Variants in PHF12 observed in about 807,000 individuals in gnomAD.
PHF12 encodes PHD finger protein 12.
PHF12 carries 6 observed loss-of-function variants against 99.8 expected under a neutral mutation model. The ratio of observed to expected loss-of-function variants is 0.06; its 90% CI spans 0.03 to 0.12. PHF12 has a LOEUF of 0.12. PHF12 is among the 10% of genes least tolerant of loss of function. The pLI is 1.00. For synonymous variants in PHF12, 480 were observed against 514.9 expected, an observed-to-expected ratio of 0.93 and a Z score of 0.92; for missense variants, 954 against 1,300.1, an observed-to-expected ratio of 0.73 and a Z score of 4.09.
chr17:28,914,165 GAGGAAA>G, intron 7 of PHF12, 128 bp from the exon 8 acceptor site: 1 of 1,026,890 alleles, frequency 9.7e-7, no homozygotes, highest in Non-Finnish European at 1.4e-6. Flanking sequence ...GGGGTCTGCT[GAGGAAA>G]AGGAGGCTCA....
chr17:28,913,787 G>C, intron 8 of PHF12, 92 bp downstream of exon 8: 1 of 1,506,044 alleles, frequency 6.6e-7, no homozygotes, highest in South Asian at 1.3e-5. Flanking sequence ...GTGGGGACTG[G>C]AATGAGAATG....
At position 28,907,008 on chromosome 17, in the gene PHF12, G is replaced by A. The variant is rs1239215564; in HGVS notation, c.2542-14C>T. 1.3e-6 allele frequency: 2 copies of A among 1,597,138 alleles called. No homozygotes were observed. The highest frequency in any genetic ancestry group is 2.3e-5 in the South Asian group (2 of 87,956). ...ATGTTTGGTATTCTGAGGAGGAGGAGGGGAGATAAGATGTGTGGTCTGCTG... is the reference window on the plus strand; with the variant it reads ...ATGTTTGGTATTCTGAGGAGGAGGAAGGGAGATAAGATGTGTGGTCTGCTG... On this transcript the variant is annotated splice_polypyrimidine_tract_variant and intron_variant, in intron 13 of 14. Transcript: ENST00000332830.
chr17:28,928,713 CG>C (rs563156351), intron 2 of PHF12, among the ~76,000 whole-genome samples: 176 of 151,948 alleles, frequency 1.2e-3, no homozygotes, highest in African/African-American at 4.1e-3. Flanking sequence ...ACTCGGGAGG[CG>C]GAAGTTGCAG....
chr17:28,930,327 T>C lies in PHF12; in HGVS notation c.249-3264A>G, dbSNP rs112446796. On this transcript the variant is annotated intron_variant, in intron 2 of 14. Coordinates refer to ENST00000332830, the MANE Select transcript of PHF12 (RefSeq NM_001033561.2). ...ACCACACTGTATTCAAACCATTACA[T>C]GTCTGAATCCCCTTCTCCATGCCTC... 5.9e-5 allele frequency among the ~76,000 whole-genome samples: 9 copies of C among 152,358 alleles called. 1 individual carries two copies. The highest frequency in any genetic ancestry group is 2.2e-4 in the African/African-American group (9 of 41,594).
chr17:28,951,206 G>T lies in PHF12; in HGVS notation c.-246C>A, dbSNP rs938050662. The T allele has an allele frequency of 2.2e-6, 3 of 1,371,306 alleles. No homozygotes were observed. Among genetic ancestry groups the T allele is most frequent in the East Asian group, 2.9e-5 (1 of 34,520 alleles). The allele number at this position is 1,371,306 out of a possible 1,614,324, so 84.9% of individuals were successfully genotyped here. A position where few individuals can be genotyped will look rare whatever the true frequency, so the allele number is the denominator to read the frequency against. On this transcript the variant is annotated 5_prime_UTR_variant, in exon 1 of 15. Transcript: ENST00000332830. ...GGCCCGGCTGCTGGCTGCACAGTGG[G>T]TCCCGGCTCCGGGGGTCAGGCCTCG...
chr17:28,917,429 T>C lies in PHF12; in HGVS notation c.990A>G (p.Thr330=), dbSNP rs1268472498. Residue 330 remains threonine, a synonymous_variant, in exon 7 of 15, where the codon ACA becomes ACG. Coordinates refer to ENST00000332830, the MANE Select transcript of PHF12 (RefSeq NM_001033561.2). ...CAAACACCTGGCACCGATTGCTCAG[T>C]GTCATATTCTTCTGGTTCAGCTAGG... ...EHVVLNQKNM[T]LSNRCQVFDR... 1.7e-5 allele frequency: 27 copies of C among 1,611,226 alleles called. No homozygotes were observed. Among genetic ancestry groups the C allele is most frequent in the Non-Finnish European group, 2.2e-5 (26 of 1,178,214 alleles).
At chr17:28,908,628 C>T (rs2152655426) in intron 12 of PHF12, 155 bp downstream of exon 12, 1 of 707,996 alleles carries the variant, frequency 1.4e-6, no homozygotes, top group Non-Finnish European at 2.4e-6. Flanking sequence ...CTGATTGTCT[C>T]TATTCTTAGT....
intron 2 of PHF12, among the ~76,000 whole-genome samples, chr17:28,938,136 A>C (rs1434382486): frequency 3.3e-5 from 5 of 152,250 alleles, no homozygotes; most frequent in African/African-American, 7.2e-5. Context: ...GGGCCAGTTT[A>C]CAGTTTATAT....
intron 2 of PHF12, among the ~76,000 whole-genome samples, chr17:28,934,915 G>C (rs945586250): frequency 6.6e-6 from 1 of 152,170 alleles, no homozygotes; most frequent in Non-Finnish European, 1.5e-5. Context: ...TGAACCTTTA[G>C]ATTCCTTCTG....
At chr17:28,934,758 G>A (rs1264361252) in intron 2 of PHF12, among the ~76,000 whole-genome samples, 2 of 151,872 alleles carry the variant, frequency 1.3e-5, no homozygotes, top group Non-Finnish European at 2.9e-5. Context: ...CCGCCACCAC[G>A]CCCAGCTACT....
rs369948304 is a variant in PHF12, at chr17:28,906,509, G to A, written c.2689C>T (p.Arg897Trp). Reference protein sequence around the residue: ...AKVQSVIRRRRHQKQDEEPSE... With the variant: ...AKVQSVIRRRWHQKQDEEPSE... The stretch of plus-strand genomic sequence containing the variant: ...GGCTCTTCGTCCTGTTTCTGGTGCC[G>A]GCGGCGCCCTGGGAAAAAGGGGGAT... The change falls in exon 15 of 15, where the codon CGG becomes TGG. Residue 897 changes from arginine (R) to tryptophan (W), a missense_variant. Coordinates refer to ENST00000332830, the MANE Select transcript of PHF12 (RefSeq NM_001033561.2). This position sits in a 1 kb window ranked among gnomAD's most constrained non-coding sequence, Gnocchi z 4.2. 78 of 1,598,120 alleles carry A rather than the reference G, an allele frequency of 4.9e-5. No individual in the cohort carries two copies. The highest frequency in any genetic ancestry group is 6.3e-5 in the Non-Finnish European group (74 of 1,168,490).
At chr17:28,907,566 T>G in intron 13 of PHF12, 24 bp downstream of exon 13, 1 of 1,612,472 alleles carries the variant, frequency 6.2e-7, no homozygotes. Flanking sequence ...GAAAGCTCCC[T>G]CCCACCGCAT....
Position 28,951,492 on chromosome 17 carries a change from G to GT in PHF12, c.-533_-532insA. The GT allele has an allele frequency of 1.0e-6, 1 of 985,432 alleles. No individual in the cohort carries two copies. The highest frequency in any genetic ancestry group is 1.2e-6 in the Non-Finnish European group (1 of 829,914). The allele number at this position is 985,432 out of a possible 1,614,324, so 61.0% of individuals were successfully genotyped here. On this transcript the variant is annotated 5_prime_UTR_variant, in exon 1 of 15. Transcript: ENST00000332830. ...CGCGAGCGCCCGCAAAGCCACCCGC[G>GT]CAGGCGCCCCGGGATCGGCGCTCGC...
In PHF12 at chr17:28,926,979, C is replaced by T; in HGVS notation, c.321+12G>A. On this transcript the variant is annotated intron_variant, in intron 3 of 14. Transcript: ENST00000332830. Reference sequence around the variant, plus strand: ...GGCTTTCTGGACAGTCTTCAGAAAGCAGCATTATTACCTTTCGGCGAACAG... The same window carrying T: ...GGCTTTCTGGACAGTCTTCAGAAAGTAGCATTATTACCTTTCGGCGAACAG... 6.2e-7 allele frequency: 1 copy of T among 1,613,766 alleles called. No individual in the cohort carries two copies. Among genetic ancestry groups the T allele is most frequent in the Non-Finnish European group, 8.5e-7 (1 of 1,179,642 alleles).
At chr17:28,922,653 C>CT (rs1287176175) in intron 4 of PHF12, among the ~76,000 whole-genome samples, 5 of 152,166 alleles carry the variant, frequency 3.3e-5, no homozygotes, top group African/African-American at 1.2e-4. Context: ...AAGTTATTCT[C>CT]TGAAGCACTA....
chr17:28,923,651 C>CAAAAAAAAAAAAA (rs1491183033), intron 4 of PHF12, among the ~76,000 whole-genome samples: 32 of 21,972 alleles, frequency 1.5e-3, no homozygotes, highest in South Asian at 2.0e-3. Context: ...AAGTGAGACT[C>CAAAAAAAAAAAAA]ACAAAAAAAA....
chr17:28,951,149 G>A lies in PHF12; in HGVS notation c.-189C>T. The A allele has an allele frequency of 4.2e-6, 6 of 1,425,798 alleles. No individual in the cohort carries two copies. The highest frequency in any genetic ancestry group is 5.5e-6 in the Non-Finnish European group (6 of 1,094,566). The allele number at this position is 1,425,798 out of a possible 1,614,324, so 88.3% of individuals were successfully genotyped here. A position where few individuals can be genotyped will look rare whatever the true frequency, so the allele number is the denominator to read the frequency against. On this transcript the variant is annotated 5_prime_UTR_variant, in exon 1 of 15. Coordinates refer to ENST00000332830, the MANE Select transcript of PHF12 (RefSeq NM_001033561.2). The stretch of plus-strand genomic sequence containing the variant: ...CCCGGGACGACAGCGTCCTCCCGAC[G>A]GGCCGCGAGGGGGGAGCGGCCCCTC...
At chr17:28,942,994 A>G (rs1370709731) in intron 2 of PHF12, among the ~76,000 whole-genome samples, 1 of 152,190 alleles carries the variant, frequency 6.6e-6, no homozygotes, top group East Asian at 1.9e-4. Flanking sequence ...TCAATTAAAA[A>G]TAGACAAAAA....
At chr17:28,941,202 G>A (rs556532030) in intron 2 of PHF12, among the ~76,000 whole-genome samples, 1 of 152,264 alleles carries the variant, frequency 6.6e-6, no homozygotes, top group East Asian at 1.9e-4. Flanking sequence ...CCAAGGAATT[G>A]TCCCTGTGTT....
Sources: gnomAD v4.1 joint callset for allele counts (sites outside exome capture counted in the v4.1 genomes callset) on GRCh38, gnomAD v4.1.1 for gene constraint, Gnocchi (gnomAD v3.1) non-coding constraint, MANE v1.5 for transcripts, NCBI Gene and HGNC (gene_info 2026-07-23, HGNC 2026-07-21) for gene names.